ASTN1: variants seen among roughly 807,000 people sequenced by gnomAD.
The protein encoded by ASTN1 is astrotactin 1.
A neutral mutation model predicts 140.7 loss-of-function variants in ASTN1; 41 were observed. That is an observed-to-expected ratio of 0.29 (90% confidence interval 0.23 to 0.38). The LOEUF (loss-of-function observed/expected upper bound fraction) is 0.38, where lower values mean the gene tolerates loss of function less well. Ranked by LOEUF, ASTN1 falls within the 10% of genes least tolerant of loss-of-function variation. ASTN1 has a pLI of 1.00. For synonymous variants in ASTN1, 640 were observed against 652.2 expected (o/e 0.98, Z 0.29); for missense variants, 1,479 against 1,678.8 (o/e 0.88, Z 2.08).
chr1:176,924,234 A>C (rs1670858556), intron 16 of ASTN1, among the ~76,000 whole-genome samples: 1 of 152,190 alleles, frequency 6.6e-6, no homozygotes, highest in Admixed American at 6.5e-5. Flanking sequence ...GATATTTAGC[A>C]ATTATCTCCT....
chr1:176,979,706 CA>C (rs200153312), intron 8 of ASTN1, among the ~76,000 whole-genome samples: 2,894 of 151,868 alleles, frequency 0.019, 45 homozygotes, highest in Admixed American at 0.03. Context: ...CAAAACAAAA[CA>C]AAAAAACAAA....
At chr1:177,027,713 AGT>A (rs56405518) in intron 5 of ASTN1, among the ~76,000 whole-genome samples, 10,794 of 118,342 alleles carry the variant, frequency 0.091, 515 homozygotes, top group African/African-American at 0.19. Flanking sequence ...AACCCAGTAC[AGT>A]GTGTGTGTGT....
Position 176,864,103 on chromosome 1 carries a change from G to C in ASTN1, c.*181C>G. On this transcript the variant is annotated 3_prime_UTR_variant, in exon 23 of 23. Transcript: ENST00000361833. ...GGCTGGCAGATTTCCCAATCATGCA[G>C]ATGGAGAACATCATACTGAAGAAGT... 7.0e-7 allele frequency: 1 copy of C among 1,433,318 alleles called. No individual in the cohort carries two copies. The highest frequency in any genetic ancestry group is 2.5e-5 in the East Asian group (1 of 40,798). The allele number at this position is 1,433,318 out of a possible 1,614,324, so 88.8% of individuals were successfully genotyped here. A position where few individuals can be genotyped will look rare whatever the true frequency, so the allele number is the denominator to read the frequency against.
intron 1 of ASTN1, among the ~76,000 whole-genome samples, chr1:177,109,029 A>C (rs995832818): frequency 6.6e-6 from 1 of 152,150 alleles, no homozygotes; most frequent in Non-Finnish European, 1.5e-5. Flanking sequence ...GAAAGAAAGA[A>C]AATAATCAAC....
chr1:176,880,195 G>A (rs1311920028), intron 20 of ASTN1, among the ~76,000 whole-genome samples: 1 of 152,184 alleles, frequency 6.6e-6, no homozygotes, highest in Non-Finnish European at 1.5e-5. Context: ...CCCCAACGGA[G>A]GCCTGTGTGA....
intron 9 of ASTN1, among the ~76,000 whole-genome samples, chr1:176,960,684 G>T (rs1169182252): frequency 6.6e-6 from 1 of 152,282 alleles, no homozygotes; most frequent in South Asian, 2.1e-4. Flanking sequence ...GGCTTCTTCT[G>T]CTTCTTTTTT....
chr1:177,122,316 C>T (rs527243521), intron 1 of ASTN1, among the ~76,000 whole-genome samples: 3 of 152,180 alleles, frequency 2.0e-5, no homozygotes, highest in East Asian at 1.9e-4. Flanking sequence ...AGGCAGAGCA[C>T]GATGCCACCC....
chr1:177,106,924 G>T (rs1211179101), intron 1 of ASTN1, among the ~76,000 whole-genome samples: 2 of 152,206 alleles, frequency 1.3e-5, no homozygotes, highest in African/African-American at 4.8e-5. Context: ...GCTTGGAGAA[G>T]CACATGGTAC....
chr1:176,913,128 T>C (rs1670323945), intron 16 of ASTN1, among the ~76,000 whole-genome samples: 1 of 152,210 alleles, frequency 6.6e-6, no homozygotes, highest in South Asian at 2.1e-4. Context: ...TAAGCAACAA[T>C]TCTCTCTTAC....
At chr1:176,866,324 A>T (rs537725579) in intron 22 of ASTN1, among the ~76,000 whole-genome samples, 1 of 152,286 alleles carries the variant, frequency 6.6e-6, no homozygotes, top group Admixed American at 6.5e-5. Context: ...ATGGTGGGTC[A>T]GAAGAAATCA....
At chr1:177,030,053 T>C (rs1003940657) in intron 4 of ASTN1, among the ~76,000 whole-genome samples, 2 of 152,208 alleles carry the variant, frequency 1.3e-5, no homozygotes, top group Non-Finnish European at 2.9e-5. Context: ...GAAATTTCCC[T>C]CATTACAGGT....
intron 8 of ASTN1, among the ~76,000 whole-genome samples, chr1:176,993,337 T>C (rs1674279236): frequency 6.6e-6 from 1 of 152,210 alleles, no homozygotes; most frequent in South Asian, 2.1e-4. Context: ...TTATACTGTC[T>C]TGAATTTTCT....
rs141494318 is a variant in ASTN1, at chr1:177,060,579, C to T, written c.471+499G>A. Among the ~76,000 whole-genome samples, 1,244 of 152,278 alleles carry T rather than the reference C, an allele frequency of 8.2e-3. 7 individuals carry two copies. Among genetic ancestry groups the T allele is most frequent in the Middle Eastern group, 0.027 (8 of 294 alleles). On this transcript the variant is annotated intron_variant, in intron 2 of 22. Coordinates refer to ENST00000361833, the MANE Select transcript of ASTN1 (RefSeq NM_004319.3). ...AGGCGGAAGTGCAGAGGTGCAATCT[C>T]GGCTCACTGCAACCTTCACCTCCTG... is the stretch of plus-strand genomic sequence containing the variant.
rs227522 is a variant in ASTN1 at position 177,119,679 on chromosome 1, C to T, written c.283+44715G>A. On this transcript the variant is annotated intron_variant, in intron 1 of 22. Transcript: ENST00000361833. ...CTGGGAGAGATTTTTCCTAGGACTCCGTATACTCCTGGAGTGGCCTTGACC... is the reference window on the plus strand; with the variant it reads ...CTGGGAGAGATTTTTCCTAGGACTCTGTATACTCCTGGAGTGGCCTTGACC... 8.2e-3 allele frequency among the ~76,000 whole-genome samples: 1,249 copies of T among 152,270 alleles called. 27 individuals are homozygous for T. The highest frequency in any genetic ancestry group is 0.029 in the African/African-American group (1,188 of 41,552).
At chr1:177,164,354 T>C in intron 1 of ASTN1, 40 bp downstream of exon 1, 1 of 1,517,268 alleles carries the variant, frequency 6.6e-7, no homozygotes, top group Non-Finnish European at 8.8e-7. Context: ...GGGGCGCCGG[T>C]CCAGCGCCTC....
At chr1:176,985,931 AG>A (rs1441559261) in intron 8 of ASTN1, among the ~76,000 whole-genome samples, 3 of 147,792 alleles carry the variant, frequency 2.0e-5, no homozygotes, top group Non-Finnish European at 4.4e-5. Flanking sequence ...GTATTTTCTG[AG>A]GTGGCCAGCA....
chr1:177,107,632 T>A (rs1680614896), intron 1 of ASTN1, among the ~76,000 whole-genome samples: 1 of 152,154 alleles, frequency 6.6e-6, no homozygotes, highest in Non-Finnish European at 1.5e-5. Context: ...TGTCTCTCAA[T>A]GAGAGTTACA....
chr1:176,863,399 A>G lies in ASTN1; in HGVS notation c.*885T>C, dbSNP rs574604604. On this transcript the variant is annotated 3_prime_UTR_variant, in exon 23 of 23. Transcript: ENST00000361833. ...TGGGGGTTAAAGATAATCCAGGCACATGGATATATATTGGTAGGCTGGAGA... is the reference window on the plus strand; with the variant it reads ...TGGGGGTTAAAGATAATCCAGGCACGTGGATATATATTGGTAGGCTGGAGA... 8.8e-5 allele frequency: 87 copies of G among 985,830 alleles called. No homozygotes were observed. The African/African-American group carries it at 1.2e-3, about 14-fold the overall frequency. 61.1% of individuals were successfully genotyped at this position (985,830 alleles called of 1,614,324 possible).
At chr1:177,016,722 G>A (rs1417597751) in intron 7 of ASTN1, among the ~76,000 whole-genome samples, 2 of 152,070 alleles carry the variant, frequency 1.3e-5, no homozygotes, top group African/African-American at 4.8e-5. Context: ...CATATGAGTA[G>A]GTCTTTGACA....
Sources: gnomAD v4.1 joint callset for allele counts (sites outside exome capture counted in the v4.1 genomes callset) on GRCh38, gnomAD v4.1.1 for gene constraint, MANE v1.5 for transcripts, NCBI Gene and HGNC (gene_info 2026-07-23, HGNC 2026-07-21) for gene names.